Variants in GPR153 observed in about 807,000 individuals in gnomAD.
The protein encoded by GPR153 is probable G protein-coupled receptor 153.
A neutral mutation model predicts 34.1 loss-of-function variants in GPR153; 27 were observed. The ratio of observed to expected loss-of-function variants is 0.79; its 90% CI spans 0.58 to 1.09. GPR153 has a LOEUF of 1.09. GPR153 is among the 50% of genes least tolerant of loss of function. The pLI, the probability that GPR153 is intolerant of heterozygous loss-of-function variation, is 0.00. For missense variants in GPR153, 848 were observed against 860.2 expected, an observed-to-expected ratio of 0.99 and a Z score of 0.18; for synonymous variants, 408 against 405.4, an observed-to-expected ratio of 1.01 and a Z score of -0.08.
intron 5 of GPR153, chr1:6,250,237 A>G (rs568619032): frequency 1.0e-6 from 1 of 985,172 alleles, no homozygotes; most frequent in South Asian, 4.7e-5. Context: ...GCAGGAGATA[A>G]CTCATGTGAC....
chr1:6,254,440 C>T (rs1638518240), intron 2 of GPR153, 110 bp downstream of exon 2: 2 of 1,047,052 alleles, frequency 1.9e-6, no homozygotes, highest in South Asian at 1.6e-5. Flanking sequence ...GCCTGCCCTC[C>T]CAGCATGCCA....
intron 3 of GPR153, among the ~76,000 whole-genome samples, chr1:6,253,399 A>AAAAT (rs199906420): frequency 1.1e-4 from 17 of 152,268 alleles, no homozygotes; most frequent in East Asian, 1.9e-4. Context: ...CTCTGTCTCA[A>AAAAT]AAATAAATAA....
rs1280478629 is a variant in GPR153 at position 6,255,023 on chromosome 1, G to T, written c.-109-9C>A. 2 of 654,014 alleles carry T rather than the reference G, an allele frequency of 3.1e-6. No individual in the cohort carries two copies. The highest frequency in any genetic ancestry group is 4.9e-6 in the Non-Finnish European group (2 of 404,066). 40.5% of individuals were successfully genotyped at this position (654,014 alleles called of 1,614,324 possible). A position where few individuals can be genotyped will look rare whatever the true frequency, so the allele number is the denominator to read the frequency against. On this transcript the variant is annotated splice_polypyrimidine_tract_variant and intron_variant, in intron 1 of 5. Coordinates refer to ENST00000377893, the MANE Select transcript of GPR153 (RefSeq NM_207370.4). ...CTGGGGACCACGAGCATCTGTGGGGGGGTGGCAGTGGGCACTCAGTGACTT... is the reference window on the plus strand; with the variant it reads ...CTGGGGACCACGAGCATCTGTGGGGTGGTGGCAGTGGGCACTCAGTGACTT...
In GPR153 at chr1:6,249,447, C is replaced by A. The variant is rs1341907143; in HGVS notation, c.1721G>T (p.Gly574Val). The change falls in exon 6 of 6, where the codon GGG becomes GTG. Residue 574 changes from glycine (G) to valine (V), a missense_variant. Physicochemically the swap from Gly to Val is moderately radical, Grantham distance 109. Transcript: ENST00000377893. This position sits in a 1 kb window ranked among gnomAD's most constrained non-coding sequence, Gnocchi z 4.3. ...GCCGCCGCCGCCCGCCGCGCGCAGC[C>A]CCCCGGGCTCGCCCCACGACGCGCT... The part of the protein sequence containing the change: ...GLSASWGEPG[G>V]LRAAGGGGST... 1 of 1,354,368 alleles carries A rather than the reference C, an allele frequency of 7.4e-7. No homozygotes were observed. Among genetic ancestry groups the A allele is most frequent in the Non-Finnish European group, 9.5e-7 (1 of 1,058,114 alleles). The allele number at this position is 1,354,368 out of a possible 1,614,324, so 83.9% of individuals were successfully genotyped here.
rs555173029 is a variant in GPR153, at chr1:6,248,059, G to T, written c.*1279C>A. On this transcript the variant is annotated 3_prime_UTR_variant, in exon 6 of 6. Coordinates refer to ENST00000377893, the MANE Select transcript of GPR153 (RefSeq NM_207370.4). ...TGGAATTACCCCAGGTCTTCATATT[G>T]TGGGGCCACTGTGTAGGGGTAGGGG... 1 of 152,612 alleles carries T rather than the reference G, an allele frequency of 6.6e-6. No homozygotes were observed. Among genetic ancestry groups the T allele is most frequent in the South Asian group, 2.1e-4 (1 of 4,830 alleles). The allele number at this position is 152,612 out of a possible 1,614,324, so 9.5% of individuals were successfully genotyped here.
chr1:6,255,379 A>G (rs1418554207), intron 1 of GPR153, among the ~76,000 whole-genome samples: 1 of 150,758 alleles, frequency 6.6e-6, no homozygotes, highest in Non-Finnish European at 1.5e-5. Flanking sequence ...TTGTATTTTT[A>G]GTAGAGACGG....
At position 6,253,985 on chromosome 1, in the gene GPR153, G is replaced by A. The variant is rs1159801931; in HGVS notation, c.519C>T (p.Gly173=). Residue 173 remains glycine (G), a synonymous_variant, in exon 3 of 6, where the codon GGC becomes GGT. Transcript: ENST00000377893. ...CGCCCACCAGCAGCAGGAAGCAGAC[G>A]CCAAAGCCCAGGCCGATCTCAGCCA... ...FIVAEIGLGF[G]VCFLLLVGGS... is the part of the protein sequence containing the mutation. 5.6e-6 allele frequency: 9 copies of A among 1,613,000 alleles called. No individual in the cohort carries two copies. The highest frequency in any genetic ancestry group is 2.2e-5 in the East Asian group (1 of 44,898).
intron 4 of GPR153, 72 bp from the exon 5 acceptor site, chr1:6,250,696 T>A: frequency 4.0e-5 from 19 of 479,334 alleles, no homozygotes; most frequent in Non-Finnish European, 6.5e-5. Flanking sequence ...TGGGAGGGAA[T>A]CCCAGGGATC....
Position 6,249,550 on chromosome 1 carries a change from G to GCGTCGGGGCCTCTCCGGGATCTGCGC in GPR153, c.1592_1617dup (p.Pro540AlafsTer35). ...GGGCTCCGCTGGGCGCTGCTTGGGG[G>GCGTCGGGGCCTCTCCGGGATCTGCGC]CGTCGGGGCCTCTCCGGGATCTGCG... On this transcript the variant is annotated frameshift_variant, in exon 6 of 6. Coordinates refer to ENST00000377893, the MANE Select transcript of GPR153 (RefSeq NM_207370.4). LOFTEE classifies it low-confidence loss of function (END_TRUNC). This position sits in a 1 kb window ranked among gnomAD's most constrained non-coding sequence, Gnocchi z 4.3. The GCGTCGGGGCCTCTCCGGGATCTGCGC allele has an allele frequency of 8.4e-7, 1 of 1,194,976 alleles. No individual in the cohort carries two copies. The highest frequency in any genetic ancestry group is 1.0e-6 in the Non-Finnish European group (1 of 964,812). The allele number at this position is 1,194,976 out of a possible 1,614,324, so 74.0% of individuals were successfully genotyped here.
chr1:6,258,213 C>T (rs1638603793), intron 1 of GPR153, among the ~76,000 whole-genome samples: 1 of 144,362 alleles, frequency 6.9e-6, no homozygotes, highest in Non-Finnish European at 1.5e-5. Flanking sequence ...CTGCAACCTC[C>T]GCCTCCTGGG....
chr1:6,255,757 A>G (rs1353459646), intron 1 of GPR153, among the ~76,000 whole-genome samples: 2 of 145,670 alleles, frequency 1.4e-5, no homozygotes, highest in Admixed American at 1.5e-4. Context: ...CGTTCAAGCA[A>G]TTCTCCGGCC....
chr1:6,256,070 C>T (rs899233292), intron 1 of GPR153, among the ~76,000 whole-genome samples: 1 of 152,226 alleles, frequency 6.6e-6, no homozygotes, highest in Non-Finnish European at 1.5e-5. Context: ...GTTGGGATTA[C>T]AGGCGTGAGC....
intron 3 of GPR153, among the ~76,000 whole-genome samples, 194 bp downstream of exon 3, chr1:6,253,524 C>T (rs1409782982): frequency 1.3e-5 from 2 of 152,214 alleles, no homozygotes; most frequent in African/African-American, 2.4e-5. Context: ...GGTTCAAGTC[C>T]CACCAGGCTG....
intron 2 of GPR153, 46 bp downstream of exon 2, chr1:6,254,504 C>G: frequency 6.8e-7 from 1 of 1,473,090 alleles, no homozygotes; most frequent in Non-Finnish European, 9.2e-7. Context: ...TCTTTGTTTT[C>G]ACGCCTGCTT....
chr1:6,251,688 T>A lies in GPR153; in HGVS notation c.787-158A>T. The A allele has an allele frequency of 4.8e-6, 2 of 420,642 alleles. No individual in the cohort carries two copies. Among genetic ancestry groups the A allele is most frequent in the Non-Finnish European group, 3.2e-6 (1 of 313,592 alleles). The allele number at this position is 420,642 out of a possible 1,614,324, so 26.1% of individuals were successfully genotyped here. ...GGAGAAAAGAGCTGGAGCGTGGCAG[T>A]GGGAGGCCCCGCCTTCCGGGAGCTA... On this transcript the variant is annotated intron_variant, in intron 3 of 5. Transcript: ENST00000377893. The surrounding 1 kb of genome is among the most constrained non-coding windows in gnomAD (Gnocchi z 4.9).
At chr1:6,253,617 C>G in intron 3 of GPR153, 101 bp downstream of exon 3, 1 of 1,073,668 alleles carries the variant, frequency 9.3e-7, no homozygotes, top group Non-Finnish European at 1.3e-6. Flanking sequence ...AAGCCCATCT[C>G]AAAGGATTGG....
At chr1:6,255,642 G>GCTTT (rs1476167661) in intron 1 of GPR153, among the ~76,000 whole-genome samples, 4 of 38,850 alleles carry the variant, frequency 1.0e-4, no homozygotes, top group African/African-American at 3.8e-4. Context: ...GCCTGGCTAC[G>GCTTT]TTTTTTTTTT....
Position 6,251,242 on chromosome 1 carries a change from T to G in GPR153, c.979+96A>C. 1 of 934,676 alleles carries G rather than the reference T, an allele frequency of 1.1e-6. No homozygotes were observed. The highest frequency in any genetic ancestry group is 2.5e-5 in the East Asian group (1 of 40,444). The allele number at this position is 934,676 out of a possible 1,614,324, so 57.9% of individuals were successfully genotyped here. A position where few individuals can be genotyped will look rare whatever the true frequency, so the allele number is the denominator to read the frequency against. ...TCTGGTGGTTGAGAATGAAGTCACC[T>G]CCTTAGTGGCGTTGCCTGACAGCCG... On this transcript the variant is annotated intron_variant, in intron 4 of 5. Transcript: ENST00000377893. This position sits in a 1 kb window ranked among gnomAD's most constrained non-coding sequence, Gnocchi z 4.9.
In GPR153 at chr1:6,249,548, G is replaced by A. The variant is rs1423979692; in HGVS notation, c.1620C>T (p.Pro540=). Residue 540 remains proline, a synonymous_variant, in exon 6 of 6, where the codon CCC becomes CCT. Coordinates refer to ENST00000377893, the MANE Select transcript of GPR153 (RefSeq NM_207370.4). This position sits in a 1 kb window ranked among gnomAD's most constrained non-coding sequence, Gnocchi z 4.3. ...DGADPGEAPT[P]PSSAQRSPGP... ...CTGGGCTCCGCTGGGCGCTGCTTGG[G>A]GGCGTCGGGGCCTCTCCGGGATCTG... 1 of 1,194,982 alleles carries A rather than the reference G, an allele frequency of 8.4e-7. No individual in the cohort carries two copies. Among genetic ancestry groups the A allele is most frequent in the Non-Finnish European group, 1.0e-6 (1 of 964,806 alleles). The allele number at this position is 1,194,982 out of a possible 1,614,324, so 74.0% of individuals were successfully genotyped here.
Sources: gnomAD v4.1 joint callset for allele counts (sites outside exome capture counted in the v4.1 genomes callset) on GRCh38, gnomAD v4.1.1 for gene constraint, Gnocchi (gnomAD v3.1) non-coding constraint, MANE v1.5 for transcripts, NCBI Gene and HGNC (gene_info 2026-07-23, HGNC 2026-07-21) for gene names.